MAP4K3: variants seen among roughly 807,000 people sequenced by gnomAD.
MAP4K3 encodes mitogen-activated protein kinase kinase kinase kinase 3.
In MAP4K3, 94 loss-of-function variants were observed where a neutral mutation model predicts 143.5. The observed-to-expected ratio is 0.65, with a 90% CI of 0.55 to 0.78. MAP4K3 has a LOEUF of 0.78. Ranked by LOEUF, MAP4K3 falls within the 30% of genes least tolerant of loss-of-function variation. The pLI is 0.00. For synonymous variants in MAP4K3, 416 were observed against 347.2 expected (o/e 1.20, Z -2.20); for missense variants, 1,077 against 1,068.1 (o/e 1.01, Z -0.12).
At chr2:39,349,433 T>G (rs1462592690) in intron 3 of MAP4K3, among the ~76,000 whole-genome samples, 4 of 152,186 alleles carry the variant, frequency 2.6e-5, no homozygotes, top group African/African-American at 9.7e-5. Flanking sequence ...AATCCCCCAG[T>G]GTTCAGCATA....
At chr2:39,250,989 A>G (rs1390582964) in intron 33 of MAP4K3, among the ~76,000 whole-genome samples, 3 of 152,212 alleles carry the variant, frequency 2.0e-5, no homozygotes, top group African/African-American at 7.2e-5. Context: ...TTCTTATTAC[A>G]AGTTCTAAAA....
chr2:39,420,219 C>T (rs1572509852), intron 1 of MAP4K3, among the ~76,000 whole-genome samples: 1 of 152,198 alleles, frequency 6.6e-6, no homozygotes, highest in East Asian at 1.9e-4. Flanking sequence ...TTTCACTACT[C>T]TTATTTACTC....
At chr2:39,272,891 C>T (rs1681090289) in intron 24 of MAP4K3, among the ~76,000 whole-genome samples, 1 of 152,042 alleles carries the variant, frequency 6.6e-6, no homozygotes, top group African/African-American at 2.4e-5. Context: ...TAAGATTCTC[C>T]TCTCTACTCC....
chr2:39,429,713 G>T (rs1440866905), intron 1 of MAP4K3, among the ~76,000 whole-genome samples: 1 of 152,154 alleles, frequency 6.6e-6, no homozygotes, highest in African/African-American at 2.4e-5. Flanking sequence ...TTGAAAAGCT[G>T]ATTCAAAAAT....
At chr2:39,404,617 C>CTTTTTTTTTTTTTTTTTTTTTTT (rs1174319224) in intron 1 of MAP4K3, among the ~76,000 whole-genome samples, 2 of 86,144 alleles carry the variant, frequency 2.3e-5, no homozygotes, top group South Asian at 4.0e-4. Flanking sequence ...TTCTTTCTTT[C>CTTTTTTTTTTTTTTTTTTTTTTT]TTTTTTTTTT....
chr2:39,429,210 A>T (rs932820369), intron 1 of MAP4K3, among the ~76,000 whole-genome samples: 1 of 152,120 alleles, frequency 6.6e-6, no homozygotes, highest in Admixed American at 6.5e-5. Context: ...ATTACTACGC[A>T]ATCCTGGAGA....
At chr2:39,389,463 T>C (rs1666595035) in intron 1 of MAP4K3, among the ~76,000 whole-genome samples, 1 of 151,572 alleles carries the variant, frequency 6.6e-6, no homozygotes, top group Non-Finnish European at 1.5e-5. Flanking sequence ...GGAGAGCAAA[T>C]AAACAAGAAA....
chr2:39,325,611 T>C lies in MAP4K3; in HGVS notation c.825A>G (p.Gln275=), dbSNP rs779318406. The change falls in exon 12 of 34, where the codon CAA becomes CAG. Residue 275 remains glutamine (Q), a synonymous_variant. Coordinates refer to ENST00000263881, the MANE Select transcript of MAP4K3 (RefSeq NM_003618.4). ...CGATTGCCAAAGACCGTGTCAAATG[T>C]TGTGTTACAAAAGGATGCTATAAAA... is the stretch of plus-strand genomic sequence containing the variant. The part of the protein sequence containing the change: ...EKLLQHPFVT[Q]HLTRSLAIEL... 10 of 1,613,026 alleles carry C rather than the reference T, an allele frequency of 6.2e-6. No individual in the cohort carries two copies. The highest frequency in any genetic ancestry group is 3.3e-5 in the South Asian group (3 of 91,020).
intron 15 of MAP4K3, among the ~76,000 whole-genome samples, chr2:39,302,727 C>T (rs1682557736): frequency 6.6e-6 from 1 of 152,182 alleles, no homozygotes. Context: ...TAGCACTAAT[C>T]AGGCATCAAC....
intron 2 of MAP4K3, among the ~76,000 whole-genome samples, chr2:39,376,908 T>C (rs1001231991): frequency 1.3e-5 from 2 of 152,190 alleles, no homozygotes; most frequent in East Asian, 1.9e-4. Flanking sequence ...TTCTTATGAA[T>C]TGAAGAGTAG....
At chr2:39,404,617 C>CTTTTTTT (rs1174319224) in intron 1 of MAP4K3, among the ~76,000 whole-genome samples, 11 of 86,100 alleles carry the variant, frequency 1.3e-4, no homozygotes, top group East Asian at 2.8e-4. Context: ...TTCTTTCTTT[C>CTTTTTTT]TTTTTTTTTT....
At chr2:39,279,339 C>A (rs915708943) in intron 23 of MAP4K3, among the ~76,000 whole-genome samples, 6 of 152,098 alleles carry the variant, frequency 3.9e-5, no homozygotes, top group Non-Finnish European at 5.9e-5. Context: ...TTAAACTGAC[C>A]CTTTCTAGCA....
At position 39,272,266 on chromosome 2, in the gene MAP4K3, T is replaced by A. The variant is rs1259628818; in HGVS notation, c.1973+17A>T. On this transcript the variant is annotated intron_variant, in intron 26 of 33. Transcript: ENST00000263881. ...TGAACTGTTAATATCATATTGCCTC[T>A]AAGGATGTACCCTTACCTTGGCAGT... 5 of 1,549,176 alleles carry A rather than the reference T, an allele frequency of 3.2e-6. No individual in the cohort carries two copies.
At chr2:39,262,783 T>G (rs1680618697) in intron 28 of MAP4K3, among the ~76,000 whole-genome samples, 1 of 152,174 alleles carries the variant, frequency 6.6e-6, no homozygotes, top group Non-Finnish European at 1.5e-5. Context: ...TGGAGAGATC[T>G]TTAATTTTTA....
chr2:39,265,649 G>A (rs1400194554), intron 27 of MAP4K3, among the ~76,000 whole-genome samples: 1 of 152,160 alleles, frequency 6.6e-6, no homozygotes, highest in African/African-American at 2.4e-5. Flanking sequence ...AAGTAAATTT[G>A]GGAAGAAGTT....
chr2:39,313,527 C>T (rs531972876), intron 13 of MAP4K3, among the ~76,000 whole-genome samples: 19 of 151,354 alleles, frequency 1.3e-4, no homozygotes, highest in African/African-American at 4.6e-4. Context: ...CTCTCTCTCT[C>T]TTTCTTTCAA....
At chr2:39,333,670 T>C in intron 6 of MAP4K3, 96 bp from the exon 7 acceptor site, 1 of 628,818 alleles carries the variant, frequency 1.6e-6, no homozygotes, top group Non-Finnish European at 2.7e-6. Flanking sequence ...AATCACAGCC[T>C]TAGACCTAGA....
chr2:39,435,559 C>T (rs1482058998), intron 1 of MAP4K3, among the ~76,000 whole-genome samples: 1 of 152,188 alleles, frequency 6.6e-6, no homozygotes, highest in Non-Finnish European at 1.5e-5. Flanking sequence ...AGGATCAGGT[C>T]CTCCTATTAC....
At chr2:39,418,360 C>T (rs1667450924) in intron 1 of MAP4K3, among the ~76,000 whole-genome samples, 1 of 152,090 alleles carries the variant, frequency 6.6e-6, no homozygotes, top group Non-Finnish European at 1.5e-5. Flanking sequence ...TCCATACATC[C>T]ATACTAATAT....
Sources: gnomAD v4.1 joint callset for allele counts (sites outside exome capture counted in the v4.1 genomes callset) on GRCh38, gnomAD v4.1.1 for gene constraint, MANE v1.5 for transcripts, NCBI Gene and HGNC (gene_info 2026-07-23, HGNC 2026-07-21) for gene names.